Variants in OSBPL10 observed in about 807,000 individuals in gnomAD.
The protein encoded by OSBPL10 is oxysterol-binding protein-related protein 10.
In OSBPL10, 49 loss-of-function variants were observed where a neutral mutation model predicts 81.7. The ratio of observed to expected loss-of-function variants is 0.60; its 90% confidence interval spans 0.48 to 0.76. The LOEUF (loss-of-function observed/expected upper bound fraction) is 0.76. OSBPL10 is among the 30% of genes least tolerant of loss of function. OSBPL10 has a pLI of 0.00. For missense variants in OSBPL10, 923 were observed against 987.8 expected (o/e 0.93, Z 0.88); for synonymous variants, 419 against 383.6 (o/e 1.09, Z -1.08).
Position 31,683,913 on chromosome 3 carries a change from T to C in OSBPL10, c.1447A>G (p.Ile483Val). The C allele has an allele frequency of 6.2e-7, 1 of 1,614,256 alleles. No homozygotes were observed. The highest frequency in any genetic ancestry group is 1.1e-5 in the South Asian group (1 of 91,090). ...CAGGAGCAGTGAAATGTCTCGCCTA[T>C]GATGGGGTTGTAGGGCTTCTTGGCT... ...ALAKKPYNPI[I>V]GETFHCSWEV... Residue 483 changes from isoleucine to valine, a missense_variant, in exon 8 of 12, where the codon ATA becomes GTA. Physicochemically the swap from Ile to Val is conservative, Grantham distance 29 (BLOSUM62 3). Around this residue, in one of 3 missense-constraint regions of OSBPL10, gnomAD observed 387 missense variants for 436.3 expected, o/e 0.89. Coordinates refer to ENST00000396556, the MANE Select transcript of OSBPL10 (RefSeq NM_017784.5).
intron 4 of OSBPL10, among the ~76,000 whole-genome samples, chr3:31,800,632 A>G (rs909156891): frequency 1.3e-5 from 2 of 152,242 alleles, no homozygotes; most frequent in Admixed American, 1.3e-4. Context: ...AACAATCACC[A>G]TGAAACTACC....
At chr3:31,834,263 G>A (rs1009389161) in intron 3 of OSBPL10, among the ~76,000 whole-genome samples, 4 of 152,194 alleles carry the variant, frequency 2.6e-5, no homozygotes. Context: ...AACATGGCAG[G>A]TTTTTGTTCC....
At chr3:31,713,088 G>A (rs1696316644) in intron 6 of OSBPL10, among the ~76,000 whole-genome samples, 1 of 152,210 alleles carries the variant, frequency 6.6e-6, no homozygotes, top group African/African-American at 2.4e-5. Flanking sequence ...GTAGCTAGAA[G>A]GCATCTTAAA....
At chr3:31,903,673 T>G (rs1465914886) in intron 1 of OSBPL10, among the ~76,000 whole-genome samples, 2 of 152,096 alleles carry the variant, frequency 1.3e-5, no homozygotes, top group South Asian at 2.1e-4. Context: ...CACAGAGATC[T>G]CTCATCAGAG....
At chr3:31,848,716 C>A (rs568686738) in intron 3 of OSBPL10, among the ~76,000 whole-genome samples, 1 of 152,222 alleles carries the variant, frequency 6.6e-6, no homozygotes, top group African/African-American at 2.4e-5. Context: ...GCATTTCTGG[C>A]CAAAAGCTGA....
At chr3:31,938,411 C>T (rs1697440844) in intron 1 of OSBPL10, among the ~76,000 whole-genome samples, 1 of 152,206 alleles carries the variant, frequency 6.6e-6, no homozygotes, top group African/African-American at 2.4e-5. Context: ...CAGCAGATGG[C>T]ATAACAGATT....
intron 7 of OSBPL10, among the ~76,000 whole-genome samples, chr3:31,691,121 A>G (rs1289607603): frequency 2.0e-5 from 3 of 152,202 alleles, no homozygotes; most frequent in African/African-American, 7.2e-5. Flanking sequence ...CGAGCCATCA[A>G]TAAAGACTGC....
intron 7 of OSBPL10, among the ~76,000 whole-genome samples, chr3:31,698,432 T>G (rs566126986): frequency 6.6e-6 from 1 of 151,910 alleles, no homozygotes; most frequent in Non-Finnish European, 1.5e-5. Flanking sequence ...GCCTGGGTGA[T>G]AGAGCGAGAC....
intron 1 of OSBPL10, among the ~76,000 whole-genome samples, chr3:32,076,023 C>G (rs945006294): frequency 6.6e-5 from 10 of 152,142 alleles, no homozygotes; most frequent in African/African-American, 1.9e-4. Context: ...AGATCCACCC[C>G]CTGCCTGCAA....
At chr3:31,696,329 C>G (rs1439507816) in intron 7 of OSBPL10, among the ~76,000 whole-genome samples, 1 of 152,224 alleles carries the variant, frequency 6.6e-6, no homozygotes, top group Non-Finnish European at 1.5e-5. Flanking sequence ...TCTTAAGAAA[C>G]CAAATCTCCC....
intron 6 of OSBPL10, among the ~76,000 whole-genome samples, chr3:31,732,339 T>C (rs1228646644): frequency 1.3e-5 from 2 of 152,180 alleles, no homozygotes; most frequent in African/African-American, 2.4e-5. Context: ...CCTATGCTGC[T>C]TGGAGAAAAA....
chr3:31,824,594 T>C (rs1700057642), intron 4 of OSBPL10, among the ~76,000 whole-genome samples: 1 of 152,188 alleles, frequency 6.6e-6, no homozygotes, highest in Non-Finnish European at 1.5e-5. Flanking sequence ...AGTTGATGCC[T>C]TGGACTAGGT....
intron 5 of OSBPL10, among the ~76,000 whole-genome samples, chr3:31,746,716 C>T (rs748432509): frequency 5.3e-5 from 8 of 150,236 alleles, no homozygotes; most frequent in Non-Finnish European, 1.0e-4. Flanking sequence ...AGCAAACTAT[C>T]GCAAGGATAA....
At chr3:31,683,429 A>G (rs1488332431) in intron 8 of OSBPL10, among the ~76,000 whole-genome samples, 1 of 152,224 alleles carries the variant, frequency 6.6e-6, no homozygotes, top group Non-Finnish European at 1.5e-5. Flanking sequence ...TCAGGCAGAT[A>G]GTCCGTTACC....
chr3:32,002,711 G>T (rs990606822), intron 2 of OSBPL10, among the ~76,000 whole-genome samples: 1 of 152,216 alleles, frequency 6.6e-6, no homozygotes, highest in Non-Finnish European at 1.5e-5. Context: ...GAGAAAAAAG[G>T]TTTCTCAGTG....
intron 2 of OSBPL10, among the ~76,000 whole-genome samples, chr3:32,031,720 C>T (rs952393968): frequency 1.3e-5 from 2 of 152,136 alleles, no homozygotes; most frequent in Non-Finnish European, 2.9e-5. Context: ...TCCCAAAGTG[C>T]TGGGATTACA....
chr3:32,004,973 T>C (rs1699189576), intron 2 of OSBPL10, among the ~76,000 whole-genome samples: 1 of 152,244 alleles, frequency 6.6e-6, no homozygotes, highest in Admixed American at 6.5e-5. Context: ...ACTTAATAAG[T>C]ATCCTTGGAT....
intron 4 of OSBPL10, among the ~76,000 whole-genome samples, chr3:31,805,104 T>C (rs1699489280): frequency 6.6e-6 from 1 of 152,338 alleles, no homozygotes; most frequent in East Asian, 1.9e-4. Context: ...TTGTCTTGAT[T>C]ACACTTTAAA....
intron 4 of OSBPL10, among the ~76,000 whole-genome samples, chr3:31,779,672 T>A (rs1698637644): frequency 6.6e-6 from 1 of 152,164 alleles, no homozygotes; most frequent in Non-Finnish European, 1.5e-5. Flanking sequence ...AAACAAACAA[T>A]GGACTTAAAC....
Sources: gnomAD v4.1 joint callset for allele counts (sites outside exome capture counted in the v4.1 genomes callset) on GRCh38, gnomAD v4.1.1 for gene constraint, gnomAD v4.1.1 regional missense constraint, MANE v1.5 for transcripts, NCBI Gene and HGNC (gene_info 2026-07-23, HGNC 2026-07-21) for gene names.